Variants in KCTD16 observed in about 807,000 individuals in gnomAD.
KCTD16 encodes the protein BTB/POZ domain-containing protein KCTD16.
KCTD16 carries 13 observed loss-of-function variants against 33.2 expected under a neutral mutation model. The observed-to-expected ratio is 0.39, with a 90% CI of 0.25 to 0.62. The LOEUF is 0.62. KCTD16 is among the 20% of genes least tolerant of loss of function. KCTD16 has a pLI of 0.50. For synonymous variants in KCTD16, 197 were observed against 195.3 expected, an observed-to-expected ratio of 1.01 and a Z score of -0.07; for missense variants, 441 against 525.1, an observed-to-expected ratio of 0.84 and a Z score of 1.57.
chr5:144,203,875 GT>G (rs1192154848), intron 2 of KCTD16, among the ~76,000 whole-genome samples: 3 of 152,182 alleles, frequency 2.0e-5, no homozygotes, highest in Non-Finnish European at 4.4e-5. Context: ...AAATCTAAAT[GT>G]TTTGGCCCTA....
At chr5:144,412,219 C>T (rs1033824600) in intron 3 of KCTD16, among the ~76,000 whole-genome samples, 1 of 152,180 alleles carries the variant, frequency 6.6e-6, no homozygotes, top group Admixed American at 6.5e-5. Context: ...GATATCGGCA[C>T]TCCCATGTTT....
rs141521744 is a variant in KCTD16, at chr5:144,198,350, C to T, written c.-326-8039C>T. 2.0e-4 allele frequency among the ~76,000 whole-genome samples: 30 copies of T among 152,266 alleles called. No homozygotes were observed. The East Asian group carries it at 5.4e-3, about 27-fold the overall frequency. On this transcript the variant is annotated intron_variant, in intron 2 of 3. Coordinates refer to ENST00000512467, the MANE Select transcript of KCTD16 (RefSeq NM_020768.4). ...CAAGAATGAAAAATGACCCCTGCCC[C>T]ATGGATTTCTTGCAAATAATTCAAA...
At chr5:144,196,062 C>T (rs1236437960) in intron 2 of KCTD16, among the ~76,000 whole-genome samples, 2 of 152,112 alleles carry the variant, frequency 1.3e-5, no homozygotes, top group Admixed American at 6.6e-5. Flanking sequence ...TAACATAGTT[C>T]CTTGTACAAA....
chr5:144,214,495 A>C (rs987256357), intron 3 of KCTD16, among the ~76,000 whole-genome samples: 1 of 152,160 alleles, frequency 6.6e-6, no homozygotes, highest in African/African-American at 2.4e-5. Flanking sequence ...CCTTTTGTGA[A>C]ATCGCTTCTG....
chr5:144,309,352 A>T (rs146838200), intron 3 of KCTD16, among the ~76,000 whole-genome samples: 86 of 151,096 alleles, frequency 5.7e-4, no homozygotes, highest in African/African-American at 2.1e-3. Flanking sequence ...CAGGGCATTC[A>T]TATCTCCTCC....
Position 144,474,423 on chromosome 5 carries a change from G to A in KCTD16, c.*309G>A, listed in dbSNP as rs1368676113. 1 of 232,472 alleles carries A rather than the reference G, an allele frequency of 4.3e-6. No homozygotes were observed. Among genetic ancestry groups the A allele is most frequent in the Non-Finnish European group, 8.4e-6 (1 of 118,864 alleles). 14.4% of individuals were successfully genotyped at this position (232,472 alleles called of 1,614,324 possible). A position where few individuals can be genotyped will look rare whatever the true frequency, so the allele number is the denominator to read the frequency against. On this transcript the variant is annotated 3_prime_UTR_variant, in exon 4 of 4. Transcript: ENST00000512467. ...TACGTAAAAGTAGCTGAGAGGCCTT[G>A]GGAGTCATTTATCCCAAACTGGGTT...
chr5:144,250,516 T>C (rs1754668726), intron 3 of KCTD16, among the ~76,000 whole-genome samples: 1 of 152,188 alleles, frequency 6.6e-6, no homozygotes, highest in Admixed American at 6.5e-5. Flanking sequence ...CTCAGAACTG[T>C]GGGGGATACA....
intron 3 of KCTD16, among the ~76,000 whole-genome samples, chr5:144,381,799 C>T (rs1752221790): frequency 6.6e-6 from 1 of 152,162 alleles, no homozygotes; most frequent in African/African-American, 2.4e-5. Flanking sequence ...TATGTTCAAA[C>T]CATCTCAAGA....
chr5:144,234,088 C>T (rs1754180424), intron 3 of KCTD16, among the ~76,000 whole-genome samples: 1 of 152,114 alleles, frequency 6.6e-6, no homozygotes, highest in Non-Finnish European at 1.5e-5. Flanking sequence ...TGGTTTTGTA[C>T]TGAAGCGTTT....
At chr5:144,368,839 G>A (rs1202691940) in intron 3 of KCTD16, among the ~76,000 whole-genome samples, 1 of 152,138 alleles carries the variant, frequency 6.6e-6, no homozygotes, top group Admixed American at 6.5e-5. Context: ...AAGTACGGAG[G>A]TCTGTATCAG....
chr5:144,346,667 G>A (rs1056704901), intron 3 of KCTD16, among the ~76,000 whole-genome samples: 9 of 152,060 alleles, frequency 5.9e-5, no homozygotes, highest in Non-Finnish European at 8.8e-5. Flanking sequence ...TTTGAGAAAC[G>A]TCTATTCAAA....
Position 144,236,778 on chromosome 5 carries a change from A to G in KCTD16, c.832+29232A>G, listed in dbSNP as rs189260392. ...CATGGGATAAACATTGGTCTGAGAG[A>G]AAGGAGATTTTTCTGTTACTCACTG... is the stretch of plus-strand genomic sequence containing the variant. On this transcript the variant is annotated intron_variant, in intron 3 of 3. Coordinates refer to ENST00000512467, the MANE Select transcript of KCTD16 (RefSeq NM_020768.4). Among the ~76,000 whole-genome samples, 26 of 152,230 alleles carry G rather than the reference A, an allele frequency of 1.7e-4. No homozygotes were observed. In the Middle Eastern group the frequency reaches 0.01, roughly 60 times the overall value.
chr5:144,235,529 T>A (rs1754227638), intron 3 of KCTD16, among the ~76,000 whole-genome samples: 1 of 152,104 alleles, frequency 6.6e-6, no homozygotes, highest in Admixed American at 6.6e-5. Flanking sequence ...TTTCCTTATC[T>A]ACAAAATGAG....
At chr5:144,273,286 A>G (rs893264091) in intron 3 of KCTD16, among the ~76,000 whole-genome samples, 29 of 152,328 alleles carry the variant, frequency 1.9e-4, no homozygotes, top group African/African-American at 7.0e-4. Context: ...AATCCCCAAC[A>G]CAATGGCTAC....
chr5:144,408,713 G>C (rs1366723082), intron 3 of KCTD16, among the ~76,000 whole-genome samples: 1 of 152,006 alleles, frequency 6.6e-6, no homozygotes, highest in Non-Finnish European at 1.5e-5. Flanking sequence ...TGGCCTACTG[G>C]GCTCTTTGAG....
intron 3 of KCTD16, among the ~76,000 whole-genome samples, chr5:144,336,336 C>T (rs1163266887): frequency 6.6e-6 from 1 of 152,140 alleles, no homozygotes; most frequent in African/African-American, 2.4e-5. Flanking sequence ...CTCCAGTCCA[C>T]AATTGTGCAC....
intron 2 of KCTD16, among the ~76,000 whole-genome samples, chr5:144,180,098 G>C (rs1031867580): frequency 1.7e-4 from 26 of 152,156 alleles, no homozygotes; most frequent in Non-Finnish European, 3.2e-4. Flanking sequence ...TGGAAGGTCT[G>C]AACCAAGAAA....
chr5:144,299,148 A>ATATT (rs1751341949), intron 3 of KCTD16, among the ~76,000 whole-genome samples: 4 of 14,062 alleles, frequency 2.8e-4, no homozygotes, highest in Admixed American at 1.3e-3. Context: ...ATATATATAT[A>ATATT]TTTTTTTTTT....
intron 3 of KCTD16, among the ~76,000 whole-genome samples, chr5:144,415,535 C>T (rs1055418651): frequency 6.6e-6 from 1 of 152,112 alleles, no homozygotes; most frequent in African/African-American, 2.4e-5. Flanking sequence ...ACAATTGGGA[C>T]TCAATCTCTA....
Sources: allele counts gnomAD v4.1 joint callset (sites outside exome capture counted in the v4.1 genomes callset), GRCh38; gene constraint gnomAD v4.1.1; transcripts MANE v1.5; gene names NCBI Gene and HGNC (gene_info 2026-07-23, HGNC 2026-07-21).